The following FIG4 variants were observed in gnomAD, a reference collection of about 807,000 sequenced individuals.
The protein encoded by FIG4 is polyphosphoinositide phosphatase.
In FIG4, 112 loss-of-function variants were observed where a neutral mutation model predicts 118.6. The ratio of observed to expected loss-of-function variants is 0.94; its 90% CI spans 0.81 to 1.11. The LOEUF (loss-of-function observed/expected upper bound fraction) is 1.11. Ranked by LOEUF, FIG4 falls within the 50% of genes least tolerant of loss-of-function variation. The probability of loss-of-function intolerance (pLI) is 0.00; values close to 1 mark genes in which losing one functional copy is unlikely to be tolerated. For synonymous variants in FIG4, 369 were observed against 381.2 expected, an observed-to-expected ratio of 0.97 and a Z score of 0.37; for missense variants, 969 against 1,111.7, an observed-to-expected ratio of 0.87 and a Z score of 1.83.
Position 109,732,694 on chromosome 6 carries a change from G to C in FIG4, c.497+7G>C. 1 of 1,532,344 alleles carries C rather than the reference G, an allele frequency of 6.5e-7. No individual in the cohort carries two copies. Among genetic ancestry groups the C allele is most frequent in the Non-Finnish European group, 9.0e-7 (1 of 1,113,598 alleles). 94.9% of individuals were successfully genotyped at this position (1,532,344 alleles called of 1,614,324 possible). On this transcript the variant is annotated splice_region_variant and intron_variant, in intron 5 of 22. Transcript: ENST00000230124. ...CTAGCAATTTTTACTTTAGGTAAGT[G>C]TGAGGTTAGTTTTGCTCCTATCAAT...
intron 15 of FIG4, among the ~76,000 whole-genome samples, chr6:109,772,525 C>T (rs991860478): frequency 1.3e-5 from 2 of 152,078 alleles, no homozygotes; most frequent in Admixed American, 6.6e-5. Flanking sequence ...GGCGCAATCT[C>T]GGCTCACCAC....
chr6:109,799,222 T>C (rs563147058), intron 22 of FIG4, among the ~76,000 whole-genome samples: 97 of 152,368 alleles, frequency 6.4e-4, no homozygotes, highest in Non-Finnish European at 1.0e-3. Flanking sequence ...TCTAGAATTC[T>C]TTAACCTTTT....
intron 19 of FIG4, among the ~76,000 whole-genome samples, chr6:109,790,888 A>G (rs1778116631): frequency 6.6e-6 from 1 of 152,212 alleles, no homozygotes; most frequent in Non-Finnish European, 1.5e-5. Context: ...AAAATTTAAA[A>G]TGTAGTTTAT....
At chr6:109,795,067 A>G (rs1778238224) in intron 21 of FIG4, among the ~76,000 whole-genome samples, 1 of 125,366 alleles carries the variant, frequency 8.0e-6, no homozygotes, top group African/African-American at 3.0e-5. Flanking sequence ...CTTTCTACTT[A>G]CTTCCTCAAA....
At chr6:109,740,826 TTGAC>T (rs1318394632) in intron 7 of FIG4, among the ~76,000 whole-genome samples, 1 of 152,130 alleles carries the variant, frequency 6.6e-6, no homozygotes, top group East Asian at 1.9e-4. Context: ...AGAGGTTTAA[TTGAC>T]TGTAGGCTTA....
At chr6:109,804,104 A>G (rs1444922419) in intron 22 of FIG4, among the ~76,000 whole-genome samples, 4 of 152,118 alleles carry the variant, frequency 2.6e-5, no homozygotes, top group African/African-American at 9.7e-5. Context: ...TTTTTGTCTC[A>G]TAAGACACTC....
At chr6:109,750,416 A>G (rs1776653269) in intron 10 of FIG4, among the ~76,000 whole-genome samples, 1 of 152,176 alleles carries the variant, frequency 6.6e-6, no homozygotes, top group Non-Finnish European at 1.5e-5. Context: ...GGAGGCTTGC[A>G]TGAGGCCAGG....
chr6:109,754,607 A>T (rs1776821755), intron 10 of FIG4, among the ~76,000 whole-genome samples: 1 of 152,212 alleles, frequency 6.6e-6, no homozygotes, highest in South Asian at 2.1e-4. Context: ...GATTATTGCC[A>T]CAATTTCAGA....
chr6:109,746,748 G>A (rs1473132770), intron 10 of FIG4, among the ~76,000 whole-genome samples: 3 of 152,124 alleles, frequency 2.0e-5, no homozygotes, highest in African/African-American at 7.2e-5. Context: ...AAAGATTACT[G>A]TGACCTCAAC....
intron 13 of FIG4, 32 bp downstream of exon 13, chr6:109,764,014 G>T: frequency 7.0e-7 from 1 of 1,426,232 alleles, no homozygotes; most frequent in South Asian, 1.1e-5. Flanking sequence ...GTAATGAATA[G>T]AATCTGTATC....
At chr6:109,805,041 G>C (rs776471652) in intron 22 of FIG4, among the ~76,000 whole-genome samples, 4 of 152,210 alleles carry the variant, frequency 2.6e-5, no homozygotes, top group Non-Finnish European at 4.4e-5. Flanking sequence ...TGACAAGGCA[G>C]ATGATAAATA....
At chr6:109,754,267 G>A (rs1776808675) in intron 10 of FIG4, among the ~76,000 whole-genome samples, 1 of 152,136 alleles carries the variant, frequency 6.6e-6, no homozygotes, top group Non-Finnish European at 1.5e-5. Context: ...TATTGAACCA[G>A]CCTTGCATCC....
intron 10 of FIG4, among the ~76,000 whole-genome samples, chr6:109,744,047 C>G (rs1776408295): frequency 6.6e-6 from 1 of 151,984 alleles, no homozygotes; most frequent in African/African-American, 2.4e-5. Context: ...TCCTGATTTC[C>G]TTGTGTGAAT....
chr6:109,734,505 TA>T (rs2128385542), intron 5 of FIG4, among the ~76,000 whole-genome samples: 1 of 150,954 alleles, frequency 6.6e-6, no homozygotes, highest in Admixed American at 6.6e-5. Context: ...TAGATACTTT[TA>T]AAATATCTCT....
At chr6:109,695,811 G>C (rs1052307867) in intron 1 of FIG4, among the ~76,000 whole-genome samples, 2 of 152,156 alleles carry the variant, frequency 1.3e-5, no homozygotes, top group African/African-American at 4.8e-5. Flanking sequence ...TCTATAGAAG[G>C]CTCTGCTCTT....
intron 7 of FIG4, 78 bp from the exon 8 acceptor site, chr6:109,741,366 G>A (rs2128386620): frequency 2.1e-6 from 2 of 930,400 alleles, no homozygotes; most frequent in Admixed American, 1.7e-5. Context: ...GTATCTAAAT[G>A]TTTATTTAAG....
chr6:109,759,279 A>G (rs1452083975), intron 10 of FIG4, among the ~76,000 whole-genome samples: 2 of 152,212 alleles, frequency 1.3e-5, no homozygotes, highest in African/African-American at 2.4e-5. Flanking sequence ...AAAAAGGATG[A>G]GTTCATGTCG....
At chr6:109,736,659 T>C (rs1263524086) in intron 6 of FIG4, among the ~76,000 whole-genome samples, 1 of 152,210 alleles carries the variant, frequency 6.6e-6, no homozygotes. Context: ...AAGCCTCCAA[T>C]GCTACTAAAT....
intron 18 of FIG4, among the ~76,000 whole-genome samples, chr6:109,787,660 T>C (rs1778016928): frequency 2.0e-5 from 3 of 152,212 alleles, no homozygotes; most frequent in Non-Finnish European, 4.4e-5. Flanking sequence ...CTGGAAGTCA[T>C]AGTTTCCAAG....
Sources: allele counts gnomAD v4.1 joint callset (sites outside exome capture counted in the v4.1 genomes callset), GRCh38; gene constraint gnomAD v4.1.1; transcripts MANE v1.5; gene names NCBI Gene and HGNC (gene_info 2026-07-23, HGNC 2026-07-21).